MBNL2: variants seen among roughly 807,000 people sequenced by gnomAD.
The protein encoded by MBNL2 is muscleblind-like protein 2.
MBNL2 carries 17 observed loss-of-function variants against 41.9 expected under a neutral mutation model. The observed-to-expected ratio is 0.41, with a 90% CI of 0.28 to 0.61. MBNL2 has a LOEUF of 0.61. Among genes scored for constraint, MBNL2 ranks in the 20% least tolerant of loss-of-function variants. The pLI is 0.35. For synonymous variants in MBNL2, 195 were observed against 182.9 expected (o/e 1.07, Z -0.53); for missense variants, 336 against 505.6 (o/e 0.66, Z 3.22).
chr13:97,360,534 C>T (rs2063312588), intron 7 of MBNL2, among the ~76,000 whole-genome samples: 1 of 152,118 alleles, frequency 6.6e-6, no homozygotes, highest in Non-Finnish European at 1.5e-5. Context: ...TAATTCTTGG[C>T]ATTTCTCTGA....
At position 97,334,057 on chromosome 13, in the gene MBNL2, C is replaced by T. The variant is rs1183017220; in HGVS notation, c.175-219C>T. ...GAAAAATCCTCAGGAAGCTTCTCTA[C>T]TTAACATGTTCTTAAGATTAGCAAC... On this transcript the variant is annotated intron_variant, in intron 2 of 8. Coordinates refer to ENST00000679496, the MANE Select transcript of MBNL2 (RefSeq NM_001382683.1). This position sits in a 1 kb window ranked among gnomAD's most constrained non-coding sequence, Gnocchi z 5.3. 6.6e-6 allele frequency among the ~76,000 whole-genome samples: 1 copy of T among 151,854 alleles called. No individual in the cohort carries two copies. Among genetic ancestry groups the T allele is most frequent in the Non-Finnish European group, 1.5e-5 (1 of 67,986 alleles).
chr13:97,151,884 A>G, the MBNL2 span, among the ~76,000 whole-genome samples: 1 of 152,152 alleles, frequency 6.6e-6, no homozygotes, highest in Non-Finnish European at 1.5e-5. Context: ...ACCCCATGAA[A>G]TGCTCAGCCA....
the MBNL2 span, among the ~76,000 whole-genome samples, chr13:97,210,806 T>A: frequency 6.6e-6 from 1 of 152,024 alleles, no homozygotes; most frequent in East Asian, 1.9e-4. Context: ...CGCCTTGGCC[T>A]CCCAAAGTGC....
chr13:97,327,113 C>T (rs1235375059), intron 2 of MBNL2, among the ~76,000 whole-genome samples: 1 of 152,200 alleles, frequency 6.6e-6, no homozygotes, highest in Non-Finnish European at 1.5e-5. Context: ...TAAATAACTG[C>T]TGAACAACTT....
Position 97,261,716 on chromosome 13 carries a change from G to A in MBNL2, c.-604-13916G>A, listed in dbSNP as rs1271870419. On this transcript the variant is annotated intron_variant, in intron 1 of 8. Transcript: ENST00000679496. ...GCTGGAAGGCCCCAGCACCACTTTT[G>A]CAGCAGGTAAAACAGCTCTGATTTG... Among the ~76,000 whole-genome samples, 6 of 152,304 alleles carry A rather than the reference G, an allele frequency of 3.9e-5. No individual in the cohort carries two copies. In the East Asian group the frequency reaches 1.2e-3, roughly 29 times the overall value.
chr13:97,176,003 T>C, the MBNL2 span, among the ~76,000 whole-genome samples: 8 of 152,184 alleles, frequency 5.3e-5, no homozygotes, highest in African/African-American at 1.9e-4. Context: ...CAGAAACCCC[T>C]GAGGTGGCCA....
At chr13:97,158,282 C>G in the MBNL2 span, among the ~76,000 whole-genome samples, 11 of 150,558 alleles carry the variant, frequency 7.3e-5, no homozygotes, top group Non-Finnish European at 1.5e-4. Flanking sequence ...GGATTCTTCT[C>G]TCTTTTTTTC....
At chr13:97,220,075 T>C (rs185985731), upstream of MBNL2, among the ~76,000 whole-genome samples, 1 of 152,348 alleles carries the variant, frequency 6.6e-6, no homozygotes, top group East Asian at 1.9e-4. Context: ...ATGAATATGA[T>C]ATCAATTCTT....
At chr13:97,199,182 C>G in the MBNL2 span, among the ~76,000 whole-genome samples, 1 of 152,192 alleles carries the variant, frequency 6.6e-6, no homozygotes, top group African/African-American at 2.4e-5. Context: ...TTCCTAGATA[C>G]TGGTCCTCCA....
intron 1 of MBNL2, among the ~76,000 whole-genome samples, chr13:97,233,635 C>T (rs963515804): frequency 6.6e-6 from 1 of 151,722 alleles, no homozygotes; most frequent in Non-Finnish European, 1.5e-5. Context: ...AGACCATCCC[C>T]TCAGGAAACA....
chr13:97,199,200 G>A, the MBNL2 span, among the ~76,000 whole-genome samples: 2 of 152,122 alleles, frequency 1.3e-5, no homozygotes, highest in Non-Finnish European at 2.9e-5. Context: ...CCAGAGATCT[G>A]AGAACTGGCT....
the MBNL2 span, among the ~76,000 whole-genome samples, chr13:97,205,611 C>T: frequency 1.3e-5 from 2 of 152,092 alleles, no homozygotes; most frequent in South Asian, 4.2e-4. Flanking sequence ...CACCTTAGAT[C>T]AATTTTTCCT....
the MBNL2 span, among the ~76,000 whole-genome samples, chr13:97,208,746 C>A: frequency 9.2e-5 from 14 of 152,182 alleles, no homozygotes; most frequent in Non-Finnish European, 1.3e-4. Context: ...CCTTCCTCAA[C>A]CCTAACCTTA....
the MBNL2 span, among the ~76,000 whole-genome samples, chr13:97,160,230 T>C: frequency 6.6e-6 from 1 of 152,198 alleles, no homozygotes; most frequent in East Asian, 1.9e-4. Flanking sequence ...GTCAAGCCAA[T>C]TACATCATTT....
intron 7 of MBNL2, among the ~76,000 whole-genome samples, chr13:97,362,026 C>A (rs893336039): frequency 6.6e-6 from 1 of 152,088 alleles, no homozygotes; most frequent in Non-Finnish European, 1.5e-5. Context: ...CCCACCTCAG[C>A]CTCCCAAAGT....
At chr13:97,359,989 A>C (rs1472341834) in intron 7 of MBNL2, among the ~76,000 whole-genome samples, 1 of 152,302 alleles carries the variant, frequency 6.6e-6, no homozygotes, top group Non-Finnish European at 1.5e-5. Flanking sequence ...TTTCTTATAA[A>C]CCCATTTTCA....
Position 97,252,169 on chromosome 13 carries a change from A to G in MBNL2, c.-604-23463A>G, listed in dbSNP as rs1479572671. ...CCGGCCGTATCCTCAATTCTTATAT[A>G]TACTGGGATCTCTTTCAAGAAATTA... On this transcript the variant is annotated intron_variant, in intron 1 of 8. Coordinates refer to ENST00000679496, the MANE Select transcript of MBNL2 (RefSeq NM_001382683.1). Among the ~76,000 whole-genome samples the G allele has an allele frequency of 5.3e-5, 8 of 152,250 alleles. No homozygotes were observed. In the East Asian group the frequency reaches 1.5e-3, roughly 29 times the overall value.
intron 5 of MBNL2, among the ~76,000 whole-genome samples, chr13:97,355,657 G>T (rs1399535444): frequency 6.6e-6 from 1 of 151,522 alleles, no homozygotes; most frequent in Non-Finnish European, 1.5e-5. Flanking sequence ...TTTTCATTGT[G>T]GTCTAAATCA....
chr13:97,371,806 G>A (rs753599992), intron 8 of MBNL2, among the ~76,000 whole-genome samples: 25 of 152,204 alleles, frequency 1.6e-4, no homozygotes, highest in Non-Finnish European at 3.5e-4. Flanking sequence ...AAATGATTTT[G>A]TACTATGGCA....
Sources: gnomAD v4.1 joint callset for allele counts (sites outside exome capture counted in the v4.1 genomes callset) on GRCh38, gnomAD v4.1.1 for gene constraint, Gnocchi (gnomAD v3.1) non-coding constraint, MANE v1.5 for transcripts, NCBI Gene and HGNC (gene_info 2026-07-23, HGNC 2026-07-21) for gene names.